The following ASIC2 variants were observed in gnomAD, a reference collection of about 807,000 sequenced individuals.
ASIC2 encodes acid-sensing ion channel 2.
A neutral mutation model predicts 57.3 loss-of-function variants in ASIC2; 25 were observed. The ratio of observed to expected loss-of-function variants is 0.44; its 90% CI spans 0.32 to 0.61. ASIC2 has a LOEUF of 0.61. Ranked by LOEUF, ASIC2 falls within the 20% of genes least tolerant of loss-of-function variation. ASIC2 has a pLI of 0.06. For missense variants in ASIC2, 641 were observed against 738.1 expected (o/e 0.87, Z 1.52); for synonymous variants, 319 against 307.5 (o/e 1.04, Z -0.39).
chr17:33,922,435 T>C (rs1350436510), intron 1 of ASIC2, among the ~76,000 whole-genome samples: 1 of 152,232 alleles, frequency 6.6e-6, no homozygotes, highest in Non-Finnish European at 1.5e-5. Flanking sequence ...TGGCAAATCC[T>C]ATTTGTTCAA....
chr17:34,039,975 G>A, intron 1 of ASIC2: 2 of 970,202 alleles, frequency 2.1e-6, no homozygotes, highest in Non-Finnish European at 1.5e-6. Context: ...GCAGGCCCGG[G>A]GCGGAGCCGG....
At chr17:33,566,826 G>C (rs1916249118) in intron 1 of ASIC2, among the ~76,000 whole-genome samples, 1 of 152,094 alleles carries the variant, frequency 6.6e-6, no homozygotes, top group African/African-American at 2.4e-5. Flanking sequence ...TTTCCTGACT[G>C]TGTCCCCTGC....
chr17:33,994,774 C>G (rs1375010681), intron 1 of ASIC2, among the ~76,000 whole-genome samples: 1 of 152,034 alleles, frequency 6.6e-6, no homozygotes, highest in African/African-American at 2.4e-5. Context: ...GTACCAGACA[C>G]TCATAGACTT....
At chr17:33,076,888 G>A (rs562885918) in intron 3 of ASIC2, among the ~76,000 whole-genome samples, 7 of 152,196 alleles carry the variant, frequency 4.6e-5, no homozygotes, top group African/African-American at 7.2e-5. Flanking sequence ...CTGCAGGAAA[G>A]ATCTTTATCT....
chr17:33,726,868 G>A lies in ASIC2; in HGVS notation c.555+429110C>T, dbSNP rs1909578019. 2.6e-5 allele frequency among the ~76,000 whole-genome samples: 4 copies of A among 152,358 alleles called. No individual in the cohort carries two copies. In the South Asian group the frequency reaches 8.3e-4, roughly 32 times the overall value. On this transcript the variant is annotated intron_variant, in intron 1 of 9. Transcript: ENST00000359872. ...GATTATAGACACCTCAGGGCAGAAA[G>A]AAGGTTCAGAGATACTTGGTCTTGC...
intron 3 of ASIC2, among the ~76,000 whole-genome samples, chr17:33,045,065 G>C (rs2091947584): frequency 6.6e-6 from 1 of 152,176 alleles, no homozygotes; most frequent in Admixed American, 6.5e-5. Context: ...ATGTGGGTGA[G>C]TGTTGGGCTG....
chr17:33,509,157 C>T (rs553004615), intron 1 of ASIC2, among the ~76,000 whole-genome samples: 20 of 152,194 alleles, frequency 1.3e-4, no homozygotes, highest in African/African-American at 4.8e-4. Flanking sequence ...TTGTTTCTAT[C>T]AAGAGAGGGG....
At chr17:34,082,156 C>G (rs535177797) in intron 1 of ASIC2, 4 of 152,312 alleles carry the variant, frequency 2.6e-5, no homozygotes, top group South Asian at 4.1e-4. Flanking sequence ...CTTCAGGAAG[C>G]CTTCTCAAAG....
At chr17:33,691,211 A>T (rs1908357330) in intron 1 of ASIC2, among the ~76,000 whole-genome samples, 1 of 152,228 alleles carries the variant, frequency 6.6e-6, no homozygotes, top group African/African-American at 2.4e-5. Context: ...CATTTTGCAC[A>T]TCTGTGAGAA....
intron 1 of ASIC2, among the ~76,000 whole-genome samples, chr17:33,928,184 T>A (rs1915862665): frequency 6.6e-6 from 1 of 152,234 alleles, no homozygotes; most frequent in African/African-American, 2.4e-5. Flanking sequence ...CCTGCTCTGG[T>A]TCATGGAAAC....
chr17:33,369,281 G>T (rs1009952257), intron 1 of ASIC2, among the ~76,000 whole-genome samples: 1 of 152,178 alleles, frequency 6.6e-6, no homozygotes, highest in African/African-American at 2.4e-5. Flanking sequence ...TATTTCTCTA[G>T]TACCTGAATC....
chr17:33,858,909 C>T (rs1299411066), intron 1 of ASIC2, among the ~76,000 whole-genome samples: 1 of 152,190 alleles, frequency 6.6e-6, no homozygotes, highest in Non-Finnish European at 1.5e-5. Context: ...CCCTACTCAG[C>T]CACATGAGTG....
chr17:33,982,296 T>C (rs1477105437), intron 1 of ASIC2, among the ~76,000 whole-genome samples: 1 of 152,230 alleles, frequency 6.6e-6, no homozygotes, highest in Non-Finnish European at 1.5e-5. Flanking sequence ...GCGATCACCC[T>C]GCAATTAACT....
chr17:33,176,316 C>A (rs771392959), intron 1 of ASIC2, among the ~76,000 whole-genome samples: 3 of 152,186 alleles, frequency 2.0e-5, no homozygotes, highest in Non-Finnish European at 2.9e-5. Flanking sequence ...ACCTCCAGAG[C>A]CTGGCACATC....
intron 1 of ASIC2, among the ~76,000 whole-genome samples, chr17:34,153,777 A>G (rs1474343104): frequency 6.6e-6 from 1 of 152,240 alleles, no homozygotes; most frequent in African/African-American, 2.4e-5. Context: ...TGGACACTCA[A>G]ATAGATTACT....
At chr17:33,170,080 G>A (rs138947107) in intron 1 of ASIC2, among the ~76,000 whole-genome samples, 107 of 152,254 alleles carry the variant, frequency 7.0e-4, no homozygotes, top group Middle Eastern at 3.4e-3. Context: ...CTGGAAACAC[G>A]CACAGTCATT....
chr17:34,108,677 T>G (rs1247914005), intron 1 of ASIC2, among the ~76,000 whole-genome samples: 1 of 152,190 alleles, frequency 6.6e-6, no homozygotes, highest in Non-Finnish European at 1.5e-5. Context: ...ATATTTCATA[T>G]CATTGTTGAT....
chr17:33,021,925 G>A (rs1233327074), intron 6 of ASIC2, among the ~76,000 whole-genome samples: 2 of 152,208 alleles, frequency 1.3e-5, no homozygotes, highest in Non-Finnish European at 2.9e-5. Flanking sequence ...CATCTCGGCA[G>A]TAAAAGTCGT....
At chr17:34,042,197 A>G (rs1908161440) in intron 1 of ASIC2, among the ~76,000 whole-genome samples, 2 of 152,184 alleles carry the variant, frequency 1.3e-5, no homozygotes, top group South Asian at 4.1e-4. Flanking sequence ...ACCACTTATT[A>G]TATGACACAG....
Sources: allele counts gnomAD v4.1 joint callset (sites outside exome capture counted in the v4.1 genomes callset), GRCh38; gene constraint gnomAD v4.1.1; transcripts MANE v1.5; gene names NCBI Gene and HGNC (gene_info 2026-07-23, HGNC 2026-07-21).